Variants in GRK7 observed in about 807,000 individuals in gnomAD.
The protein encoded by GRK7 is G protein-coupled receptor kinase 7.
A neutral mutation model predicts 34.1 loss-of-function variants in GRK7; 24 were observed. The ratio of observed to expected loss-of-function variants is 0.70; its 90% CI spans 0.51 to 0.99. The LOEUF (loss-of-function observed/expected upper bound fraction) is 0.99. Ranked by LOEUF, GRK7 falls within the 50% of genes least tolerant of loss-of-function variation. The pLI is 0.00. For synonymous variants in GRK7, 256 were observed against 279.4 expected (o/e 0.92, Z 0.84); for missense variants, 644 against 707.3 (o/e 0.91, Z 1.02).
intron 4 of GRK7, among the ~76,000 whole-genome samples, chr3:141,784,738 G>A (rs951963076): frequency 1.3e-5 from 2 of 152,128 alleles, no homozygotes; most frequent in Non-Finnish European, 2.9e-5. Flanking sequence ...TTAATTCTGT[G>A]GTTTGAATGA....
At chr3:141,763,264 C>A (rs1218421443), upstream of GRK7, among the ~76,000 whole-genome samples, 1 of 152,070 alleles carries the variant, frequency 6.6e-6, no homozygotes, top group Admixed American at 6.6e-5. Context: ...CAAACAACAG[C>A]CCAGAACTGA....
the GRK7 span, among the ~76,000 whole-genome samples, chr3:141,754,910 A>G: frequency 6.6e-6 from 1 of 152,184 alleles, no homozygotes; most frequent in African/African-American, 2.4e-5. Context: ...TTATAAAGCA[A>G]AGTTTTTTTA....
At chr3:141,766,576 T>G (rs551067470) in intron 1 of GRK7, among the ~76,000 whole-genome samples, 3 of 152,250 alleles carry the variant, frequency 2.0e-5, no homozygotes, top group Non-Finnish European at 4.4e-5. Context: ...AATAAATACT[T>G]ACTACTTCTT....
chr3:141,791,352 C>T (rs1322160512), intron 4 of GRK7, among the ~76,000 whole-genome samples: 2 of 152,006 alleles, frequency 1.3e-5, no homozygotes, highest in Non-Finnish European at 2.9e-5. Context: ...CATGACCATG[C>T]CCCCCAGTTT....
At chr3:141,773,544 C>T (rs2084626067) in intron 1 of GRK7, among the ~76,000 whole-genome samples, 2 of 152,076 alleles carry the variant, frequency 1.3e-5, no homozygotes, top group Admixed American at 1.3e-4. Context: ...CGGAGTCTTG[C>T]TCTGTCGCCC....
intron 4 of GRK7, among the ~76,000 whole-genome samples, chr3:141,799,399 G>T (rs930776851): frequency 5.3e-5 from 8 of 152,090 alleles, no homozygotes; most frequent in African/African-American, 1.9e-4. Flanking sequence ...GATCACAGGA[G>T]GTCGGGAGTT....
At position 141,817,041 on chromosome 3, in the gene GRK7, G is replaced by T. The variant is rs753013143; in HGVS notation, c.1653G>T (p.Leu551Phe). Residue 551 changes from leucine to phenylalanine, a missense_variant, in exon 6 of 6, where the codon TTG becomes TTT. Physicochemically the swap from Leu to Phe is conservative, Grantham distance 22. Transcript: ENST00000682958. Reference protein sequence around the residue: ...EGNSSKSGVCLLL With the variant: ...EGNSSKSGVCFLL ...ATTCATCCAAGTCTGGCGTGTGTTT[G>T]TTATTGTAAATTGCTCTCTTTACCA... The T allele has an allele frequency of 6.3e-7, 1 of 1,596,146 alleles. No homozygotes were observed. Among genetic ancestry groups the T allele is most frequent in the Non-Finnish European group, 8.5e-7 (1 of 1,174,148 alleles).
At chr3:141,754,508 C>T in the GRK7 span, among the ~76,000 whole-genome samples, 8 of 146,000 alleles carry the variant, frequency 5.5e-5, no homozygotes, top group African/African-American at 2.0e-4. Context: ...AATCTCTGCT[C>T]ACTGCAACCT....
In GRK7 at chr3:141,817,138, T is replaced by A; in HGVS notation, c.*88T>A. On this transcript the variant is annotated 3_prime_UTR_variant, in exon 6 of 6. Transcript: ENST00000682958. ...ACGTGGAAATCTGTGGAATGAGGGC[T>A]AATCAGTTAGGAGGGACATCACAAC... 9.6e-7 allele frequency: 1 copy of A among 1,041,758 alleles called. No homozygotes were observed. The highest frequency in any genetic ancestry group is 2.4e-5 in the East Asian group (1 of 41,742). 64.5% of individuals were successfully genotyped at this position (1,041,758 alleles called of 1,614,324 possible). A position where few individuals can be genotyped will look rare whatever the true frequency, so the allele number is the denominator to read the frequency against.
In GRK7 at chr3:141,778,456, A is replaced by G. The variant is rs1338835086; in HGVS notation, c.172A>G (p.Ser58Gly). The change falls in exon 3 of 6, where the codon AGC (serine) becomes GGC (glycine). Residue 58 changes from serine (S) to glycine (G), a missense_variant. By Grantham distance (56) the Ser-to-Gly change is moderately conservative. Transcript: ENST00000682958. This position sits in a 1 kb window ranked among gnomAD's most constrained non-coding sequence, Gnocchi z 4.1. ...CCAGAAGCTGTCCCTGAACTTCCACAGCCTGTGTGAGCAGCAGCCCATCGG... is the reference window on the plus strand; with the variant it reads ...CCAGAAGCTGTCCCTGAACTTCCACGGCCTGTGTGAGCAGCAGCCCATCGG... ...LRQKLSLNFH[S>G]LCEQQPIGRR... is the part of the protein sequence containing the mutation. 1 of 1,613,150 alleles carries G rather than the reference A, an allele frequency of 6.2e-7. No homozygotes were observed. Among genetic ancestry groups the G allele is most frequent in the Middle Eastern group, 1.6e-4 (1 of 6,062 alleles).
rs1176312231 is a variant in GRK7, at chr3:141,765,321, C to G, written c.-632C>G. ...ACCTTCAGGAGGTCTTGACTCTCAT[C>G]ATTTTCTCAATTCAGTCTTGCCTGA... is the stretch of plus-strand genomic sequence containing the variant. On this transcript the variant is annotated 5_prime_UTR_variant, in exon 1 of 6. In the 5' UTR this introduces an upstream ATG that the reference lacks. Transcript: ENST00000682958. 3.9e-5 allele frequency among the ~76,000 whole-genome samples: 6 copies of G among 152,204 alleles called. No homozygotes were observed. The highest frequency in any genetic ancestry group is 9.7e-5 in the African/African-American group (4 of 41,450).
At chr3:141,766,995 A>G (rs1168016711) in intron 1 of GRK7, among the ~76,000 whole-genome samples, 1 of 152,234 alleles carries the variant, frequency 6.6e-6, no homozygotes, top group Non-Finnish European at 1.5e-5. Flanking sequence ...TAAGAAGAAT[A>G]TCCTCTGTTA....
At chr3:141,779,172 AG>A (rs2084658210) in intron 3 of GRK7, among the ~76,000 whole-genome samples, 1 of 152,198 alleles carries the variant, frequency 6.6e-6, no homozygotes. Context: ...GACACTTCAG[AG>A]AATGATAGCA....
intron 5 of GRK7, among the ~76,000 whole-genome samples, chr3:141,810,703 G>A (rs1472854399): frequency 2.6e-5 from 4 of 152,050 alleles, no homozygotes; most frequent in Admixed American, 6.6e-5. Context: ...TTTTAGTAGA[G>A]ACGGGGTTTC....
At chr3:141,807,995 T>C in intron 5 of GRK7, 76 bp downstream of exon 5, 1 of 1,334,034 alleles carries the variant, frequency 7.5e-7, no homozygotes, top group East Asian at 2.4e-5. Flanking sequence ...TTTTGATTTG[T>C]GGCAAAGTCT....
rs558472474 is a variant in GRK7 at position 141,772,601 on chromosome 3, T to C, written c.-214-1979T>C. On this transcript the variant is annotated intron_variant, in intron 1 of 5. Coordinates refer to ENST00000682958, the MANE Select transcript of GRK7 (RefSeq NM_139209.3). ...TACTAGAAACTTAGCTTTACTATTT[T>C]CCTTAAACAGTTAATCTTAGGATGT... Among the ~76,000 whole-genome samples the C allele has an allele frequency of 2.5e-3, 374 of 152,324 alleles. 2 individuals carry two copies. The highest frequency in any genetic ancestry group is 8.6e-3 in the African/African-American group (358 of 41,564).
rs1037788938 is a variant in GRK7 at position 141,813,491 on chromosome 3, A to C, written c.1326-3223A>C. Among the ~76,000 whole-genome samples, 12 of 152,202 alleles carry C rather than the reference A, an allele frequency of 7.9e-5. No individual in the cohort carries two copies. The South Asian group carries it at 2.3e-3, about 29-fold the overall frequency. ...TCTCCCTCAAGGCTCTTAACCTACA[A>C]GATGTAAACCACACAGACACTGGGG... On this transcript the variant is annotated intron_variant, in intron 5 of 5. Coordinates refer to ENST00000682958, the MANE Select transcript of GRK7 (RefSeq NM_139209.3).
At chr3:141,803,118 A>G (rs993917852) in intron 4 of GRK7, among the ~76,000 whole-genome samples, 3 of 152,274 alleles carry the variant, frequency 2.0e-5, no homozygotes, top group Non-Finnish European at 4.4e-5. Context: ...TTTAACTACT[A>G]TAAAAACCAT....
At chr3:141,773,657 G>T (rs1414948097) in intron 1 of GRK7, among the ~76,000 whole-genome samples, 1 of 152,044 alleles carries the variant, frequency 6.6e-6, no homozygotes, top group Non-Finnish European at 1.5e-5. Context: ...CTTGTGATCT[G>T]CCCACCTTGG....
Sources: allele counts gnomAD v4.1 joint callset (sites outside exome capture counted in the v4.1 genomes callset), GRCh38; gene constraint gnomAD v4.1.1; non-coding constraint Gnocchi (gnomAD v3.1); transcripts MANE v1.5; gene names NCBI Gene and HGNC (gene_info 2026-07-23, HGNC 2026-07-21).